Variants in UBASH3B observed in about 807,000 individuals in gnomAD.
UBASH3B encodes ubiquitin associated and SH3 domain containing B, also known as ubiquitin-associated and SH3 domain-containing protein B.
UBASH3B carries 37 observed loss-of-function variants against 83.4 expected under a neutral mutation model. The ratio of observed to expected loss-of-function variants is 0.44; its 90% CI spans 0.34 to 0.58. The LOEUF is 0.58. Ranked by LOEUF, UBASH3B falls within the 20% of genes least tolerant of loss-of-function variation. The pLI is 0.01. For synonymous variants in UBASH3B, 304 were observed against 318.3 expected (o/e 0.96, Z 0.48); for missense variants, 657 against 827.2 (o/e 0.79, Z 2.52).
chr11:122,767,382 C>T (rs1262845929), intron 1 of UBASH3B, among the ~76,000 whole-genome samples: 1 of 152,064 alleles, frequency 6.6e-6, no homozygotes, highest in Non-Finnish European at 1.5e-5. Context: ...ACGATTTCGG[C>T]TCACTGCAAC....
chr11:122,762,428 A>G (rs1861386488), intron 1 of UBASH3B, among the ~76,000 whole-genome samples: 1 of 152,170 alleles, frequency 6.6e-6, no homozygotes, highest in Non-Finnish European at 1.5e-5. Context: ...CCAGAGCCTG[A>G]CTGTGGACAC....
intron 1 of UBASH3B, among the ~76,000 whole-genome samples, chr11:122,657,544 C>G (rs149912631): frequency 9.2e-5 from 14 of 152,212 alleles, no homozygotes; most frequent in Non-Finnish European, 1.9e-4. Context: ...CCACCTCGGT[C>G]TCCCAAAGTG....
At position 122,807,926 on chromosome 11, in the gene UBASH3B, C is replaced by T. The variant is rs1254336586; in HGVS notation, c.1703-141C>T. 1.0e-5 allele frequency: 7 copies of T among 701,096 alleles called. No individual in the cohort carries two copies. In the East Asian group the frequency reaches 1.5e-4, roughly 15 times the overall value. The allele number at this position is 701,096 out of a possible 1,614,324, so 43.4% of individuals were successfully genotyped here. On this transcript the variant is annotated intron_variant, in intron 12 of 13. Transcript: ENST00000284273. ...TTAAGCTGCCTTATCAGTAACAAAG[C>T]ACTTTCAAAATATTGCTTAGGCAAA...
intron 1 of UBASH3B, among the ~76,000 whole-genome samples, chr11:122,690,546 C>T (rs983862760): frequency 1.3e-5 from 2 of 151,956 alleles, no homozygotes; most frequent in Admixed American, 6.6e-5. Context: ...GACATCTCAG[C>T]GGCCTCAAAG....
intron 1 of UBASH3B, among the ~76,000 whole-genome samples, chr11:122,702,372 A>G (rs1219620331): frequency 6.6e-6 from 1 of 152,178 alleles, no homozygotes; most frequent in Non-Finnish European, 1.5e-5. Context: ...CACATAAAGT[A>G]TAATATAGGA....
chr11:122,784,352 ACC>A (rs1860910936), intron 5 of UBASH3B, among the ~76,000 whole-genome samples: 2 of 152,136 alleles, frequency 1.3e-5, no homozygotes, highest in Admixed American at 6.6e-5. Flanking sequence ...AAGAAGGGCA[ACC>A]TGTCTGAAAC....
At chr11:122,766,191 C>T (rs983799716) in intron 1 of UBASH3B, among the ~76,000 whole-genome samples, 2 of 152,194 alleles carry the variant, frequency 1.3e-5, no homozygotes, top group Non-Finnish European at 2.9e-5. Context: ...AACTGCCTAT[C>T]TTATTCTGCC....
At chr11:122,718,698 T>C (rs549790639) in intron 1 of UBASH3B, among the ~76,000 whole-genome samples, 3 of 152,294 alleles carry the variant, frequency 2.0e-5, no homozygotes, top group African/African-American at 7.2e-5. Flanking sequence ...AAAGGGATAT[T>C]AGAGGGTCAG....
chr11:122,674,724 G>GTTTTTT (rs35117227), intron 1 of UBASH3B, among the ~76,000 whole-genome samples: 1 of 112,318 alleles, frequency 8.9e-6, no homozygotes, highest in Non-Finnish European at 1.8e-5. Context: ...TCTGCAGTTA[G>GTTTTTT]TTTTTTTTTT....
rs73018272 is a variant in UBASH3B, at chr11:122,748,155, C to T, written c.162-28064C>T. Among the ~76,000 whole-genome samples the T allele has an allele frequency of 8.8e-3, 1,340 of 152,316 alleles. 5 individuals are homozygous for T. Among genetic ancestry groups the T allele is most frequent in the Non-Finnish European group, 0.013 (881 of 68,034 alleles). ...TTGTGGCAAATAAGAAAAGGTGGAG[C>T]GACTTCACATAGTGGTTTAAAACTG... On this transcript the variant is annotated intron_variant, in intron 1 of 13. Transcript: ENST00000284273.
intron 1 of UBASH3B, among the ~76,000 whole-genome samples, chr11:122,702,994 C>A (rs1864063684): frequency 1.3e-5 from 2 of 152,172 alleles, no homozygotes; most frequent in African/African-American, 4.8e-5. Context: ...ACAAATTGGA[C>A]ACTCCCTCAA....
intron 1 of UBASH3B, among the ~76,000 whole-genome samples, chr11:122,732,035 C>A (rs930435143): frequency 6.6e-6 from 1 of 152,306 alleles, no homozygotes; most frequent in Admixed American, 6.5e-5. Flanking sequence ...ATATTAGGAA[C>A]ACAAATGATG....
At chr11:122,796,846 C>A in intron 8 of UBASH3B, 65 bp from the exon 9 acceptor site, 1 of 1,610,438 alleles carries the variant, frequency 6.2e-7, no homozygotes, top group Non-Finnish European at 8.5e-7. Context: ...GTGTCAGGAT[C>A]AGTAAGGGAG....
intron 1 of UBASH3B, among the ~76,000 whole-genome samples, chr11:122,742,328 G>A (rs1239024212): frequency 1.3e-5 from 2 of 152,184 alleles, no homozygotes; most frequent in Non-Finnish European, 2.9e-5. Context: ...GGAGTCTCTC[G>A]TTTCAGTCTT....
At chr11:122,757,713 T>C (rs1300301016) in intron 1 of UBASH3B, among the ~76,000 whole-genome samples, 5 of 135,674 alleles carry the variant, frequency 3.7e-5, no homozygotes, top group Non-Finnish European at 8.1e-5. Context: ...TTTTCCCTTT[T>C]TTTTTTTTTT....
intron 1 of UBASH3B, among the ~76,000 whole-genome samples, chr11:122,755,532 A>G (rs903915387): frequency 2.6e-5 from 4 of 152,176 alleles, no homozygotes; most frequent in Non-Finnish European, 5.9e-5. Flanking sequence ...AGCCTCCACC[A>G]TGAATGAAAA....
At chr11:122,748,165 T>TAG (rs1861148642) in intron 1 of UBASH3B, among the ~76,000 whole-genome samples, 3 of 152,226 alleles carry the variant, frequency 2.0e-5, no homozygotes, top group South Asian at 2.1e-4. Flanking sequence ...CGACTTCACA[T>TAG]AGTGGTTTAA....
chr11:122,723,705 C>T (rs1259532110), intron 1 of UBASH3B, among the ~76,000 whole-genome samples: 1 of 152,212 alleles, frequency 6.6e-6, no homozygotes, highest in Non-Finnish European at 1.5e-5. Context: ...CGGGTAGAAA[C>T]CATGGGCCGG....
At chr11:122,727,028 G>A (rs972170564) in intron 1 of UBASH3B, among the ~76,000 whole-genome samples, 1 of 152,170 alleles carries the variant, frequency 6.6e-6, no homozygotes, top group African/African-American at 2.4e-5. Flanking sequence ...AAAGGATTCC[G>A]ATTGCTAATT....
Sources: gnomAD v4.1 joint callset for allele counts (sites outside exome capture counted in the v4.1 genomes callset) on GRCh38, gnomAD v4.1.1 for gene constraint, MANE v1.5 for transcripts, NCBI Gene and HGNC (gene_info 2026-07-23, HGNC 2026-07-21) for gene names.